The following JARID2 variants were observed in gnomAD, a reference collection of about 807,000 sequenced individuals.
JARID2 encodes jumonji and AT-rich interaction domain containing 2.
Under a neutral mutation model 125.6 loss-of-function variants are expected in JARID2, and 21 were observed. The ratio of observed to expected loss-of-function variants is 0.17; its 90% confidence interval spans 0.12 to 0.24. JARID2 has a LOEUF of 0.24. Ranked by LOEUF, JARID2 falls within the 10% of genes least tolerant of loss-of-function variation. JARID2 has a pLI of 1.00. For synonymous variants in JARID2, 736 were observed against 661.6 expected, an observed-to-expected ratio of 1.11 and a Z score of -1.73; for missense variants, 1,303 against 1,639.6, an observed-to-expected ratio of 0.79 and a Z score of 3.55.
intron 4 of JARID2, among the ~76,000 whole-genome samples, chr6:15,462,080 C>G (rs1768479750): frequency 6.6e-6 from 1 of 152,244 alleles, no homozygotes; most frequent in East Asian, 1.9e-4. Flanking sequence ...GTTTTACATT[C>G]ATTTTAATTT....
chr6:15,306,513 T>C (rs1477658690), intron 1 of JARID2, among the ~76,000 whole-genome samples: 3 of 151,712 alleles, frequency 2.0e-5, no homozygotes, highest in Non-Finnish European at 4.4e-5. Context: ...TTTGTATTTT[T>C]AGTTAGTAGA....
chr6:15,326,935 C>G (rs1416008957), intron 1 of JARID2, among the ~76,000 whole-genome samples: 4 of 152,230 alleles, frequency 2.6e-5, no homozygotes, highest in African/African-American at 9.6e-5. Flanking sequence ...TACATTGATA[C>G]TGGTTGGGTT....
At chr6:15,442,098 C>T (rs868560567) in intron 3 of JARID2, among the ~76,000 whole-genome samples, 2 of 150,754 alleles carry the variant, frequency 1.3e-5, no homozygotes, top group Non-Finnish European at 1.5e-5. Context: ...TCTTATATTT[C>T]TCTTGCATTT....
rs552764246 is a variant in JARID2, at chr6:15,351,435, C to A, written c.46-22682C>A. ...TCTAGCTGGGGTCCTCATGGAAAGACACTGGCCTCATGGAGCAGGAGGCCT... is the reference window on the plus strand; with the variant it reads ...TCTAGCTGGGGTCCTCATGGAAAGAAACTGGCCTCATGGAGCAGGAGGCCT... On this transcript the variant is annotated intron_variant, in intron 1 of 17. Transcript: ENST00000341776. Among the ~76,000 whole-genome samples, 10 of 152,294 alleles carry A rather than the reference C, an allele frequency of 6.6e-5. No individual in the cohort carries two copies. In the South Asian group the frequency reaches 1.9e-3, roughly 28 times the overall value.
chr6:15,514,577 C>T (rs867445099), intron 16 of JARID2, among the ~76,000 whole-genome samples: 1 of 152,206 alleles, frequency 6.6e-6, no homozygotes, highest in Non-Finnish European at 1.5e-5. Context: ...ACCCCGAGTC[C>T]TGGCGTGCCC....
chr6:15,430,701 C>CTGGGGGTTG (rs1276993923), intron 3 of JARID2, among the ~76,000 whole-genome samples: 2 of 152,056 alleles, frequency 1.3e-5, no homozygotes, highest in Non-Finnish European at 2.9e-5. Flanking sequence ...GCCTACTTAC[C>CTGGGGGTTG]TGGGGGTTGT....
At chr6:15,410,130 C>G (rs191143368) in intron 2 of JARID2, 94 bp from the exon 3 acceptor site, 954 of 1,153,326 alleles carry the variant, frequency 8.3e-4, no homozygotes, top group Admixed American at 2.2e-3. Context: ...ACATTCTTGT[C>G]TGTCTTCATC....
chr6:15,413,168 C>T (rs1008999884), intron 3 of JARID2, among the ~76,000 whole-genome samples: 7 of 151,734 alleles, frequency 4.6e-5, no homozygotes, highest in African/African-American at 1.5e-4. Flanking sequence ...TACAGGCATG[C>T]GCCACTATGC....
At chr6:15,430,578 GT>G (rs1439718167) in intron 3 of JARID2, among the ~76,000 whole-genome samples, 1 of 152,166 alleles carries the variant, frequency 6.6e-6, no homozygotes, top group Non-Finnish European at 1.5e-5. Flanking sequence ...TAAGTAAATT[GT>G]TTTCTAATAT....
intron 1 of JARID2, among the ~76,000 whole-genome samples, chr6:15,288,876 A>G (rs2127391582): frequency 6.6e-6 from 1 of 152,358 alleles, no homozygotes; most frequent in Admixed American, 6.5e-5. Context: ...GGCGAGGTGA[A>G]GAAGGGTCTA....
In JARID2 at chr6:15,457,336, A is replaced by G. The variant is rs566223445; in HGVS notation, c.493+5161A>G. ...AAGTTGACAGTTGGGAATGCGATTAACCTTCTTACACCTGCATCCTAATTC... is the reference window on the plus strand; with the variant it reads ...AAGTTGACAGTTGGGAATGCGATTAGCCTTCTTACACCTGCATCCTAATTC... On this transcript the variant is annotated intron_variant, in intron 4 of 17. Transcript: ENST00000341776. 2.0e-5 allele frequency among the ~76,000 whole-genome samples: 3 copies of G among 152,258 alleles called. No homozygotes were observed. The East Asian group carries it at 5.8e-4, about 29-fold the overall frequency.
intron 1 of JARID2, among the ~76,000 whole-genome samples, chr6:15,342,943 C>T (rs535713274): frequency 7.2e-5 from 11 of 152,270 alleles, no homozygotes; most frequent in Admixed American, 2.0e-4. Context: ...AGCAGTGGCT[C>T]ACGCCTGTAA....
chr6:15,275,561 A>G (rs71551045), intron 1 of JARID2, among the ~76,000 whole-genome samples: 1,270 of 96,388 alleles, frequency 0.013, 29 homozygotes, highest in Non-Finnish European at 0.017. Context: ...TGCCTCTTCA[A>G]TGACCAGGTT....
At chr6:15,414,983 C>T (rs2127576222) in intron 3 of JARID2, among the ~76,000 whole-genome samples, 1 of 152,296 alleles carries the variant, frequency 6.6e-6, no homozygotes, top group South Asian at 2.1e-4. Flanking sequence ...GTTTGTGTCC[C>T]TGGGTACTTG....
chr6:15,485,567 G>A (rs1463662089), intron 5 of JARID2, among the ~76,000 whole-genome samples: 1 of 152,202 alleles, frequency 6.6e-6, no homozygotes, highest in Admixed American at 6.5e-5. Context: ...GGGATTGGGT[G>A]TGGTAATTAG....
intron 4 of JARID2, among the ~76,000 whole-genome samples, chr6:15,456,534 T>C (rs1438834640): frequency 6.6e-6 from 1 of 152,174 alleles, no homozygotes; most frequent in Non-Finnish European, 1.5e-5. Flanking sequence ...CTATTTCTTT[T>C]ATACTTTTTT....
rs200606441 is a variant in JARID2, at chr6:15,512,171, C to T, written c.2953-37C>T. The T allele has an allele frequency of 2.7e-4, 435 of 1,597,364 alleles. 2 individuals carry two copies. The highest frequency in any genetic ancestry group is 1.9e-3 in the Middle Eastern group (11 of 5,940). ...TGAAGACTGCAGGTGTCCCTGCGCA[C>T]AGGGAGGGGTGCCTCAGCCTGGCCC... On this transcript the variant is annotated intron_variant, in intron 13 of 17. Transcript: ENST00000341776.
chr6:15,438,017 GT>G (rs1767285625), intron 3 of JARID2, among the ~76,000 whole-genome samples: 1 of 152,128 alleles, frequency 6.6e-6, no homozygotes, highest in African/African-American at 2.4e-5. Flanking sequence ...ACCCACACAG[GT>G]TTAATGTCTT....
chr6:15,443,596 A>G (rs1368086215), intron 3 of JARID2, among the ~76,000 whole-genome samples: 2 of 152,196 alleles, frequency 1.3e-5, no homozygotes, highest in Non-Finnish European at 2.9e-5. Flanking sequence ...CAATACTGAC[A>G]GTTTGGAGAT....
Sources: gnomAD v4.1 joint callset for allele counts (sites outside exome capture counted in the v4.1 genomes callset) on GRCh38, gnomAD v4.1.1 for gene constraint, MANE v1.5 for transcripts, NCBI Gene and HGNC (gene_info 2026-07-23, HGNC 2026-07-21) for gene names.